BMERB1: variants seen among roughly 807,000 people sequenced by gnomAD.
The protein encoded by BMERB1 is bMERB domain containing 1, also known as bMERB domain-containing protein 1.
In BMERB1, 12 loss-of-function variants were observed where a neutral mutation model predicts 23.6. The ratio of observed to expected loss-of-function variants is 0.51; its 90% CI spans 0.33 to 0.82. The LOEUF (loss-of-function observed/expected upper bound fraction) is 0.82, where lower values mean the gene tolerates loss of function less well. Ranked by LOEUF, BMERB1 falls within the 40% of genes least tolerant of loss-of-function variation. The pLI is 0.03. For missense variants in BMERB1, 247 were observed against 255.4 expected, an observed-to-expected ratio of 0.97 and a Z score of 0.22; for synonymous variants, 122 against 96.6, an observed-to-expected ratio of 1.26 and a Z score of -1.54.
chr16:15,442,311 C>T (rs1005829112), intron 1 of BMERB1, among the ~76,000 whole-genome samples: 3 of 147,004 alleles, frequency 2.0e-5, no homozygotes, highest in African/African-American at 7.6e-5. Context: ...GCCTGGGCGA[C>T]AGAGTGAGAC....
intron 3 of BMERB1, among the ~76,000 whole-genome samples, chr16:15,569,124 G>A (rs892525430): frequency 2.0e-5 from 3 of 152,252 alleles, no homozygotes; most frequent in East Asian, 3.9e-4. Context: ...GCTGAGGTGG[G>A]AGAATTGCTT....
chr16:15,586,915 C>G lies in BMERB1; in HGVS notation c.*86C>G. ...CCCATTTCACCGGGGCCCAAGAGCT[C>G]TCCAAGGCAGAAGGGGTTGAAGGCA... On this transcript the variant is annotated 3_prime_UTR_variant, in exon 6 of 6. Transcript: ENST00000300006. The G allele has an allele frequency of 2.1e-6, 2 of 935,904 alleles. No individual in the cohort carries two copies. The highest frequency in any genetic ancestry group is 3.4e-5 in the South Asian group (2 of 59,312). The allele number at this position is 935,904 out of a possible 1,614,324, so 58.0% of individuals were successfully genotyped here. A position where few individuals can be genotyped will look rare whatever the true frequency, so the allele number is the denominator to read the frequency against.
At chr16:15,477,585 C>T (rs1456692719) in intron 1 of BMERB1, among the ~76,000 whole-genome samples, 1 of 152,108 alleles carries the variant, frequency 6.6e-6, no homozygotes, top group Non-Finnish European at 1.5e-5. Flanking sequence ...GAGCCATGAT[C>T]GTGTCACTCC....
chr16:15,503,536 G>T (rs1026095002), intron 1 of BMERB1, among the ~76,000 whole-genome samples: 3 of 149,668 alleles, frequency 2.0e-5, no homozygotes, highest in Non-Finnish European at 4.4e-5. Flanking sequence ...CTGACCTCGT[G>T]ATCCATCCAC....
intron 1 of BMERB1, among the ~76,000 whole-genome samples, chr16:15,454,445 A>G (rs918838119): frequency 2.0e-5 from 3 of 152,216 alleles, no homozygotes; most frequent in Non-Finnish European, 4.4e-5. Context: ...AGCACAGACC[A>G]GCCTGTGGCA....
intron 2 of BMERB1, among the ~76,000 whole-genome samples, chr16:15,544,676 G>A (rs570339876): frequency 2.0e-5 from 3 of 152,296 alleles, no homozygotes; most frequent in Admixed American, 6.5e-5. Flanking sequence ...TCCTGAGACC[G>A]TGATAGATCA....
At chr16:15,491,177 C>T (rs757201889) in intron 1 of BMERB1, among the ~76,000 whole-genome samples, 1 of 152,088 alleles carries the variant, frequency 6.6e-6, no homozygotes, top group Non-Finnish European at 1.5e-5. Flanking sequence ...ATAGCACTTA[C>T]TGCAGCTATT....
intron 2 of BMERB1, among the ~76,000 whole-genome samples, chr16:15,552,410 G>A (rs956904922): frequency 2.0e-5 from 3 of 151,848 alleles, no homozygotes; most frequent in Non-Finnish European, 4.4e-5. Flanking sequence ...ACTGCACTCC[G>A]GCCTGGGCGA....
At chr16:15,462,646 C>G (rs153807) in intron 1 of BMERB1, among the ~76,000 whole-genome samples, 2 of 151,750 alleles carry the variant, frequency 1.3e-5, no homozygotes, top group Admixed American at 6.6e-5. Flanking sequence ...AGCCTGAATG[C>G]GAACAGAAAT....
At chr16:15,475,461 T>C (rs1567460669) in intron 1 of BMERB1, among the ~76,000 whole-genome samples, 1 of 152,212 alleles carries the variant, frequency 6.6e-6, no homozygotes, top group Non-Finnish European at 1.5e-5. Context: ...TACAGTTTAT[T>C]ACAGGGAAAG....
At chr16:15,435,409 T>G (rs1412766383) in intron 1 of BMERB1, among the ~76,000 whole-genome samples, 1 of 152,196 alleles carries the variant, frequency 6.6e-6, no homozygotes, top group Non-Finnish European at 1.5e-5. Context: ...TATTTACTGG[T>G]TCTCTCTGCG....
chr16:15,548,159 A>G (rs2029982068), intron 2 of BMERB1, among the ~76,000 whole-genome samples: 1 of 151,924 alleles, frequency 6.6e-6, no homozygotes, highest in Non-Finnish European at 1.5e-5. Context: ...TAATTTTTGT[A>G]TTTTTAGTAG....
intron 2 of BMERB1, among the ~76,000 whole-genome samples, chr16:15,567,197 TA>T: frequency 7.0e-6 from 1 of 143,092 alleles, no homozygotes; most frequent in South Asian, 2.3e-4. Context: ...TCTCCAAAAA[TA>T]AAAAATAAAA....
intron 2 of BMERB1, among the ~76,000 whole-genome samples, chr16:15,530,565 C>G (rs1197360197): frequency 6.6e-6 from 1 of 151,790 alleles, no homozygotes; most frequent in African/African-American, 2.4e-5. Flanking sequence ...CGTGCCACCA[C>G]ACATAGCTAA....
At chr16:15,471,965 A>G (rs927167202) in intron 1 of BMERB1, among the ~76,000 whole-genome samples, 3 of 151,860 alleles carry the variant, frequency 2.0e-5, no homozygotes, top group Non-Finnish European at 2.9e-5. Context: ...TTGTATTTTC[A>G]TTTTCATTTG....
intron 2 of BMERB1, among the ~76,000 whole-genome samples, chr16:15,567,063 AG>A (rs1249902356): frequency 6.6e-6 from 1 of 151,892 alleles, no homozygotes; most frequent in Admixed American, 6.6e-5. Flanking sequence ...GCTACTCCGT[AG>A]GGGGCTGGGG....
At chr16:15,530,364 A>C (rs554414468) in intron 2 of BMERB1, among the ~76,000 whole-genome samples, 1 of 152,306 alleles carries the variant, frequency 6.6e-6, no homozygotes, top group Non-Finnish European at 1.5e-5. Context: ...TGATCTCCCC[A>C]TCTCAGGACC....
At chr16:15,507,013 C>A (rs2051599185) in intron 1 of BMERB1, among the ~76,000 whole-genome samples, 1 of 152,188 alleles carries the variant, frequency 6.6e-6, no homozygotes, top group Admixed American at 6.5e-5. Context: ...TGAGCTAGAT[C>A]ATGGCTCCGG....
At position 15,566,776 on chromosome 16, in the gene BMERB1, G is replaced by A. The variant is rs1283130988; in HGVS notation, c.231-1207G>A. On this transcript the variant is annotated intron_variant, in intron 2 of 5. Transcript: ENST00000300006. ...GTGGAGATTTGCATATACTGATATG[G>A]AAAGATGATCAAGACTATTAAAGAT... is the stretch of plus-strand genomic sequence containing the variant. Among the ~76,000 whole-genome samples, 6 of 152,262 alleles carry A rather than the reference G, an allele frequency of 3.9e-5. No individual in the cohort carries two copies. In the East Asian group the frequency reaches 1.2e-3, roughly 29 times the overall value.
Sources: gnomAD v4.1 joint callset for allele counts (sites outside exome capture counted in the v4.1 genomes callset) on GRCh38, gnomAD v4.1.1 for gene constraint, MANE v1.5 for transcripts, NCBI Gene and HGNC (gene_info 2026-07-23, HGNC 2026-07-21) for gene names.